Variants in TMEM132B observed in about 807,000 individuals in gnomAD.
TMEM132B encodes the protein transmembrane protein 132B.
In TMEM132B, 18 loss-of-function variants were observed where a neutral mutation model predicts 90.8. That is an observed-to-expected ratio of 0.20 (90% CI 0.14 to 0.29). The LOEUF (loss-of-function observed/expected upper bound fraction) is 0.29. TMEM132B is among the 10% of genes least tolerant of loss of function. The probability of loss-of-function intolerance (pLI) is 1.00; values close to 1 mark genes in which losing one functional copy is unlikely to be tolerated. For missense variants in TMEM132B, 1,096 were observed against 1,326.8 expected (o/e 0.83, Z 2.70); for synonymous variants, 504 against 523.3 (o/e 0.96, Z 0.50).
intron 5 of TMEM132B, among the ~76,000 whole-genome samples, chr12:125,620,782 G>T (rs748891406): frequency 1.3e-5 from 2 of 152,140 alleles, no homozygotes; most frequent in African/African-American, 2.4e-5. Context: ...CAAGCAAAAA[G>T]GGAAAAAAGC....
intron 1 of TMEM132B, among the ~76,000 whole-genome samples, chr12:125,343,719 G>A (rs997714814): frequency 6.6e-5 from 10 of 152,150 alleles, no homozygotes; most frequent in African/African-American, 2.4e-4. Flanking sequence ...ATATGCCTAG[G>A]TGTGTTGGCC....
At chr12:125,628,189 T>A (rs892379638) in intron 5 of TMEM132B, among the ~76,000 whole-genome samples, 2 of 152,186 alleles carry the variant, frequency 1.3e-5, no homozygotes, top group Non-Finnish European at 2.9e-5. Context: ...CTGGACTATA[T>A]GATAGCTCAA....
intron 1 of TMEM132B, among the ~76,000 whole-genome samples, chr12:125,342,122 G>C (rs1460792322): frequency 6.6e-6 from 1 of 152,142 alleles, no homozygotes; most frequent in East Asian, 1.9e-4. Context: ...AGCCACTCTG[G>C]ATTCTGACTT....
intron 1 of TMEM132B, among the ~76,000 whole-genome samples, chr12:125,249,839 G>A (rs1384336424): frequency 6.6e-6 from 1 of 152,198 alleles, no homozygotes; most frequent in Non-Finnish European, 1.5e-5. Context: ...ACAGTTAGAA[G>A]AAACAGGTTC....
Position 125,652,639 on chromosome 12 carries a change from G to C in TMEM132B, c.2106+7G>C. On this transcript the variant is annotated splice_region_variant and intron_variant, in intron 8 of 8. Transcript: ENST00000682704. ...TCTTCAGTCCCCACAGCAGGTGAGC[G>C]TTCCAGGGGCCCTGCGTCCTTGGTC... 1.2e-6 allele frequency: 2 copies of C among 1,606,620 alleles called. No homozygotes were observed. The highest frequency in any genetic ancestry group is 1.7e-6 in the Non-Finnish European group (2 of 1,176,208).
chr12:125,424,073 T>C (rs2136383174), intron 3 of TMEM132B, among the ~76,000 whole-genome samples: 2 of 152,368 alleles, frequency 1.3e-5, no homozygotes, highest in East Asian at 1.9e-4. Context: ...ATTGATATTA[T>C]AGCAGTATAT....
Position 125,500,670 on chromosome 12 carries a change from T to C in TMEM132B, c.1107-18769T>C, listed in dbSNP as rs112770874. 4.8e-3 allele frequency among the ~76,000 whole-genome samples: 728 copies of C among 152,218 alleles called. 6 individuals carry two copies. The highest frequency in any genetic ancestry group is 0.017 in the African/African-American group (705 of 41,548). The stretch of plus-strand genomic sequence containing the variant: ...ATTTTGTAGGACGTCAATCTAGAAA[T>C]AGAAAAATACTGGGTACTATCAGGG... On this transcript the variant is annotated intron_variant, in intron 3 of 8. Transcript: ENST00000682704.
chr12:125,505,244 G>A (rs2136612881), intron 3 of TMEM132B, among the ~76,000 whole-genome samples: 1 of 145,380 alleles, frequency 6.9e-6, no homozygotes, highest in South Asian at 2.2e-4. Flanking sequence ...GGAATTATCA[G>A]GCTAGGATTA....
chr12:125,537,969 C>T (rs1050437733), intron 4 of TMEM132B, among the ~76,000 whole-genome samples: 3 of 151,978 alleles, frequency 2.0e-5, no homozygotes, highest in Non-Finnish European at 4.4e-5. Context: ...CGAAACTCTG[C>T]AGATCTCCAC....
intron 3 of TMEM132B, among the ~76,000 whole-genome samples, chr12:125,438,172 C>A (rs1396359325): frequency 6.6e-6 from 1 of 152,146 alleles, no homozygotes; most frequent in Admixed American, 6.5e-5. Flanking sequence ...AAGAATTAAA[C>A]ATATTTTTAA....
chr12:125,318,524 C>G (rs371069604), intron 1 of TMEM132B, among the ~76,000 whole-genome samples: 4 of 152,152 alleles, frequency 2.6e-5, no homozygotes, highest in East Asian at 1.9e-4. Flanking sequence ...TTCCCACCCC[C>G]ACCCTGACAG....
intron 1 of TMEM132B, among the ~76,000 whole-genome samples, chr12:125,297,153 G>T (rs1460506800): frequency 1.3e-5 from 2 of 152,188 alleles, no homozygotes; most frequent in East Asian, 1.9e-4. Context: ...GGGGGGTCCT[G>T]CCTGGGTCAG....
At position 125,583,914 on chromosome 12, in the gene TMEM132B, G is replaced by A. The variant is rs761009186; in HGVS notation, c.1357G>A (p.Val453Met). 1.9e-6 allele frequency: 3 copies of A among 1,614,142 alleles called. No homozygotes were observed. Among genetic ancestry groups the A allele is most frequent in the Admixed American group, 3.3e-5 (2 of 60,030 alleles). The stretch of plus-strand genomic sequence containing the variant: ...GCCTGTTTCAGTTCCTGTCAAAGTC[G>A]TGGGGGTCCAGGAGGATGGTTCTGT... ...GKPVSVPVKV[V>M]GVQEDGSVVD... Residue 453 changes from valine (V) to methionine (M), a missense_variant, in exon 5 of 9, where the codon GTG becomes ATG. Val to Met is a conservative substitution (Grantham distance 21, BLOSUM62 1). Coordinates refer to ENST00000682704, the MANE Select transcript of TMEM132B (RefSeq NM_001366854.1).
intron 4 of TMEM132B, among the ~76,000 whole-genome samples, chr12:125,534,653 AT>A (rs941705043): frequency 2.8e-4 from 42 of 150,704 alleles, no homozygotes; most frequent in Non-Finnish European, 2.8e-4. Context: ...TAGAGTCATT[AT>A]TTTTATTATT....
chr12:125,263,124 T>C (rs1874605706), intron 1 of TMEM132B, among the ~76,000 whole-genome samples: 1 of 152,232 alleles, frequency 6.6e-6, no homozygotes, highest in South Asian at 2.1e-4. Context: ...TATCCCGTGG[T>C]ATTGGCAGTG....
rs1020750642 is a variant in TMEM132B at position 125,213,280 on chromosome 12, C to T, written c.67+26414C>T. Among the ~76,000 whole-genome samples the T allele has an allele frequency of 6.6e-6, 1 of 152,212 alleles. No homozygotes were observed. The highest frequency in any genetic ancestry group is 1.5e-5 in the Non-Finnish European group (1 of 68,050). On this transcript the variant is annotated intron_variant, in intron 1 of 8. Coordinates refer to ENST00000682704, the MANE Select transcript of TMEM132B (RefSeq NM_001366854.1). This position sits in a 1 kb window ranked among gnomAD's most constrained non-coding sequence, Gnocchi z 4.2. ...CTCCTTTTTATGGTTGAATCATCTT[C>T]CATTGTCTATCGGATATGCCACCTT...
At chr12:125,447,195 AT>A (rs1169108371) in intron 3 of TMEM132B, among the ~76,000 whole-genome samples, 1 of 152,138 alleles carries the variant, frequency 6.6e-6, no homozygotes, top group Non-Finnish European at 1.5e-5. Context: ...TTTACACTTA[AT>A]GTGAAGACTA....
intron 1 of TMEM132B, among the ~76,000 whole-genome samples, chr12:125,230,916 CTGT>C (rs1448482362): frequency 6.6e-6 from 1 of 152,162 alleles, no homozygotes; most frequent in African/African-American, 2.4e-5. Flanking sequence ...CCTGTCCATA[CTGT>C]TGTTTACACC....
At chr12:125,644,332 C>A in intron 6 of TMEM132B, 51 bp downstream of exon 6, 1 of 1,588,042 alleles carries the variant, frequency 6.3e-7, no homozygotes, top group Non-Finnish European at 8.6e-7. Flanking sequence ...GAGTCCAGAT[C>A]TTTGTGGGAG....
Sources: gnomAD v4.1 joint callset for allele counts (sites outside exome capture counted in the v4.1 genomes callset) on GRCh38, gnomAD v4.1.1 for gene constraint, Gnocchi (gnomAD v3.1) non-coding constraint, MANE v1.5 for transcripts, NCBI Gene and HGNC (gene_info 2026-07-23, HGNC 2026-07-21) for gene names.